ADD3: variants seen among roughly 807,000 people sequenced by gnomAD.
ADD3 encodes the protein gamma-adducin.
In ADD3, 25 loss-of-function variants were observed where a neutral mutation model predicts 80.2. The observed-to-expected ratio is 0.31, with a 90% CI of 0.23 to 0.44. ADD3 has a LOEUF of 0.44. Ranked by LOEUF, ADD3 falls within the 20% of genes least tolerant of loss-of-function variation. The pLI is 1.00. For synonymous variants in ADD3, 284 were observed against 289.6 expected, an observed-to-expected ratio of 0.98 and a Z score of 0.20; for missense variants, 829 against 847.5, an observed-to-expected ratio of 0.98 and a Z score of 0.27.
chr10:110,124,029 G>A lies in ADD3; in HGVS notation c.1156G>A (p.Gly386Ser). ...RTLDNLGYRT[G>S]YAYRHPLIRE... is the part of the protein sequence containing the mutation. ...TTCCCTCCCTTAGGGGTATAGAACA[G>A]GCTATGCTTACAGGCATCCTCTCAT... The change falls in exon 10 of 15, where the codon GGC becomes AGC. Residue 386 changes from glycine (G) to serine (S), a missense_variant. Physicochemically the swap from Gly to Ser is moderately conservative, Grantham distance 56. Coordinates refer to ENST00000356080, the MANE Select transcript of ADD3 (RefSeq NM_016824.5). The A allele has an allele frequency of 6.2e-7, 1 of 1,614,136 alleles. No individual in the cohort carries two copies. Among genetic ancestry groups the A allele is most frequent in the Non-Finnish European group, 8.5e-7 (1 of 1,180,008 alleles).
chr10:110,118,074 A>ACACACACACACACACACAC (rs1565014036), intron 5 of ADD3, among the ~76,000 whole-genome samples: 1 of 138,864 alleles, frequency 7.2e-6, no homozygotes, highest in Admixed American at 7.3e-5. Context: ...ACACACACAC[A>ACACACACACACACACACAC]ATGTTCATAG....
In ADD3 at chr10:110,073,218, C is replaced by T. The variant is rs1420509015; in HGVS notation, c.-29-27407C>T. The stretch of plus-strand genomic sequence containing the variant: ...AGTGCAGTGGCATTATGTCGGCTCA[C>T]TGCAAGCTCCACCTCCCGGGTTCAT... On this transcript the variant is annotated intron_variant, in intron 1 of 14. Coordinates refer to ENST00000356080, the MANE Select transcript of ADD3 (RefSeq NM_016824.5). Among the ~76,000 whole-genome samples the T allele has an allele frequency of 3.4e-5, 5 of 145,336 alleles. No homozygotes were observed. The Admixed American group carries it at 3.4e-4, about 10-fold the overall frequency.
chr10:110,109,908 T>C (rs2134026018), intron 2 of ADD3, among the ~76,000 whole-genome samples: 1 of 152,326 alleles, frequency 6.6e-6, no homozygotes, highest in East Asian at 1.9e-4. Context: ...AATGGAGTTT[T>C]CTGATAAATG....
rs373897451 is a variant in ADD3 at position 110,132,334 on chromosome 10, G to A, written c.1762G>A (p.Ala588Thr). 297 of 1,613,634 alleles carry A rather than the reference G, an allele frequency of 1.8e-4. 2 individuals are homozygous for A. In the South Asian group the frequency reaches 3.0e-3, roughly 16 times the overall value. ...DAEQELLSDD[A>T]SSVSQIQSQT... ...TGAGCAGGAATTACTCTCAGATGAC[G>A]CTTCATCTGTTTCACAAATTCAGTC... The change falls in exon 14 of 15, where the codon GCT becomes ACT. Residue 588 changes from alanine to threonine, a missense_variant. Transcript: ENST00000356080.
intron 10 of ADD3, among the ~76,000 whole-genome samples, chr10:110,125,506 T>C (rs1242481005): frequency 6.6e-6 from 1 of 151,828 alleles, no homozygotes; most frequent in East Asian, 1.9e-4. Context: ...AAACACTGAA[T>C]GTGAGTGAAT....
At chr10:110,048,372 C>T (rs1049586269) in intron 1 of ADD3, among the ~76,000 whole-genome samples, 6 of 152,046 alleles carry the variant, frequency 3.9e-5, no homozygotes, top group South Asian at 4.2e-4. Context: ...GTAAAGATGC[C>T]CAAAAATGTG....
intron 1 of ADD3, among the ~76,000 whole-genome samples, chr10:110,064,949 G>A (rs1843719512): frequency 6.6e-6 from 1 of 152,096 alleles, no homozygotes; most frequent in African/African-American, 2.4e-5. Context: ...TCCTAGCTAT[G>A]CAGGAGGCTG....
chr10:110,118,963 G>A (rs1352843264), intron 6 of ADD3, among the ~76,000 whole-genome samples: 1 of 152,206 alleles, frequency 6.6e-6, no homozygotes, highest in Non-Finnish European at 1.5e-5. Context: ...TTGGGTCATT[G>A]AGTTTTTTGG....
At chr10:110,096,605 TG>T (rs1848190394) in intron 1 of ADD3, among the ~76,000 whole-genome samples, 1 of 152,176 alleles carries the variant, frequency 6.6e-6, no homozygotes, top group Admixed American at 6.5e-5. Flanking sequence ...GGGGGTCTGC[TG>T]GGAACCTGGC....
intron 1 of ADD3, among the ~76,000 whole-genome samples, chr10:110,058,531 G>A (rs1277953137): frequency 2.6e-5 from 4 of 152,128 alleles, no homozygotes; most frequent in African/African-American, 4.8e-5. Flanking sequence ...TCATACCCAC[G>A]GTGATAGTAC....
At chr10:110,039,021 C>T (rs991165815) in intron 1 of ADD3, among the ~76,000 whole-genome samples, 11 of 152,108 alleles carry the variant, frequency 7.2e-5, no homozygotes, top group South Asian at 2.1e-4. Context: ...TGTTTCCTAG[C>T]GATTATTTCT....
intron 1 of ADD3, among the ~76,000 whole-genome samples, chr10:110,040,375 G>C (rs1856155695): frequency 6.6e-6 from 1 of 152,154 alleles, no homozygotes; most frequent in Non-Finnish European, 1.5e-5. Flanking sequence ...CCTGAAACAT[G>C]ATTGAACAGA....
At chr10:110,094,346 T>G (rs575222365) in intron 1 of ADD3, among the ~76,000 whole-genome samples, 1 of 152,312 alleles carries the variant, frequency 6.6e-6, no homozygotes, top group East Asian at 1.9e-4. Context: ...CAATGTAACT[T>G]TAGAAAAGTC....
chr10:110,132,473 C>T (rs944381301), intron 14 of ADD3, 73 bp downstream of exon 14: 12 of 1,005,660 alleles, frequency 1.2e-5, no homozygotes, highest in African/African-American at 3.2e-5. Context: ...TTTGTTTTCA[C>T]GTGAGGAAGT....
chr10:110,027,959 G>C (rs763348231), intron 1 of ADD3, among the ~76,000 whole-genome samples: 5 of 152,142 alleles, frequency 3.3e-5, no homozygotes, highest in Admixed American at 1.3e-4. Flanking sequence ...AAAAGGTTGT[G>C]GGGGGAAGAA....
chr10:110,027,712 T>A (rs1854477003), intron 1 of ADD3, among the ~76,000 whole-genome samples: 1 of 152,180 alleles, frequency 6.6e-6, no homozygotes, highest in South Asian at 2.1e-4. Context: ...GCAGTTTTTC[T>A]AGGGGGACTA....
rs755298352 is a variant in ADD3, at chr10:110,119,527, A to C, written c.923A>C (p.His308Pro). The C allele has an allele frequency of 6.2e-7, 1 of 1,614,108 alleles. No individual in the cohort carries two copies. Among genetic ancestry groups the C allele is most frequent in the South Asian group, 1.1e-5 (1 of 91,088 alleles). ...ALGETLEEAFHYIFNVQLACE... is the reference protein window; with the variant it reads ...ALGETLEEAFPYIFNVQLACE... ...GGAGAAACATTAGAGGAGGCTTTTC[A>C]TTATATTTTTAATGTGCAACTAGCC... is the stretch of plus-strand genomic sequence containing the variant. Residue 308 changes from histidine (H) to proline (P), a missense_variant, in exon 8 of 15, where the codon CAT becomes CCT. Coordinates refer to ENST00000356080, the MANE Select transcript of ADD3 (RefSeq NM_016824.5).
At chr10:110,062,077 T>C (rs1278201356) in intron 1 of ADD3, among the ~76,000 whole-genome samples, 2 of 151,306 alleles carry the variant, frequency 1.3e-5, no homozygotes, top group East Asian at 3.9e-4. Context: ...AAATAAAATA[T>C]CGAGGCCAGG....
chr10:110,016,495 T>A (rs1180496710), intron 1 of ADD3: 1 of 152,158 alleles, frequency 6.6e-6, no homozygotes, highest in Non-Finnish European at 1.5e-5. Context: ...GTAAAGAAAA[T>A]TATTTTAATG....
Sources: allele counts gnomAD v4.1 joint callset (sites outside exome capture counted in the v4.1 genomes callset), GRCh38; gene constraint gnomAD v4.1.1; transcripts MANE v1.5; gene names NCBI Gene and HGNC (gene_info 2026-07-23, HGNC 2026-07-21).